The following PTCD2 variants were observed in gnomAD, a reference collection of about 807,000 sequenced individuals.
PTCD2 encodes pentatricopeptide repeat-containing protein 2, mitochondrial.
A neutral mutation model predicts 42.6 loss-of-function variants in PTCD2; 31 were observed. That is an observed-to-expected ratio of 0.73 (90% CI 0.55 to 0.98). PTCD2 has a LOEUF of 0.98. Among genes scored for constraint, PTCD2 ranks in the 50% least tolerant of loss-of-function variants. The pLI is 0.00. For synonymous variants in PTCD2, 183 were observed against 170.9 expected, an observed-to-expected ratio of 1.07 and a Z score of -0.55; for missense variants, 476 against 454.8, an observed-to-expected ratio of 1.05 and a Z score of -0.42.
intron 3 of PTCD2, among the ~76,000 whole-genome samples, chr5:72,330,359 C>T (rs528930270): frequency 2.6e-5 from 4 of 152,232 alleles, no homozygotes; most frequent in African/African-American, 4.8e-5. Context: ...TCTGACTCCT[C>T]GATGATTTTT....
Position 72,326,753 on chromosome 5 carries a change from C to T in PTCD2, c.350+12C>T. On this transcript the variant is annotated intron_variant, in intron 3 of 9. Transcript: ENST00000380639. ...AATGTCATTTACAGGTGAGGCATTT[C>T]CTTAGAATGTTGCCACCCTTATCCC... is the stretch of plus-strand genomic sequence containing the variant. 1 of 1,612,826 alleles carries T rather than the reference C, an allele frequency of 6.2e-7. No individual in the cohort carries two copies. Among genetic ancestry groups the T allele is most frequent in the Non-Finnish European group, 8.5e-7 (1 of 1,179,192 alleles).
intron 6 of PTCD2, among the ~76,000 whole-genome samples, chr5:72,336,490 C>T (rs544911849): frequency 1.2e-4 from 19 of 152,272 alleles, no homozygotes; most frequent in African/African-American, 4.3e-4. Flanking sequence ...CTTTAATAAA[C>T]GTATGTGACA....
Position 72,333,530 on chromosome 5 carries a change from G to A in PTCD2, c.469-1488G>A, listed in dbSNP as rs1162888764. Among the ~76,000 whole-genome samples the A allele has an allele frequency of 2.6e-5, 4 of 152,194 alleles. No individual in the cohort carries two copies. In the Middle Eastern group the frequency reaches 0.01, roughly 388 times the overall value. The stretch of plus-strand genomic sequence containing the variant: ...AACAGGGTCTGCATAGTAGGTGATC[G>A]GAAAAGAGTGAACTTGAGCAAGGCA... On this transcript the variant is annotated intron_variant, in intron 4 of 9. Coordinates refer to ENST00000380639, the MANE Select transcript of PTCD2 (RefSeq NM_024754.5).
intron 5 of PTCD2, among the ~76,000 whole-genome samples, chr5:72,335,389 C>CA (rs948729602): frequency 6.8e-6 from 1 of 146,000 alleles, no homozygotes; most frequent in African/African-American, 2.6e-5. Flanking sequence ...GCGGAGCTTG[C>CA]AGTGAGCCGA....
chr5:72,334,901 G>T, intron 4 of PTCD2, 117 bp from the exon 5 acceptor site: 4 of 670,634 alleles, frequency 6.0e-6, no homozygotes, highest in Non-Finnish European at 7.9e-6. Context: ...GAATTCAGAA[G>T]GCCAAATGAG....
At position 72,362,136 on chromosome 5, in the gene PTCD2, G is replaced by T. The variant is rs905975864; in HGVS notation, c.*3709G>T. On this transcript the variant is annotated 3_prime_UTR_variant, in exon 10 of 10. Transcript: ENST00000380639. Reference sequence around the variant, plus strand: ...ATTGGTCCCCCATGGACAGCTTTTCGTCTCTAATACCATACACTCAGTGCA... The same window carrying T: ...ATTGGTCCCCCATGGACAGCTTTTCTTCTCTAATACCATACACTCAGTGCA... The T allele has an allele frequency of 7.9e-5, 12 of 152,220 alleles. No individual in the cohort carries two copies. Among genetic ancestry groups the T allele is most frequent in the African/African-American group, 2.9e-4 (12 of 41,508 alleles). The allele number at this position is 152,220 out of a possible 1,614,324, so 9.4% of individuals were successfully genotyped here. A position where few individuals can be genotyped will look rare whatever the true frequency, so the allele number is the denominator to read the frequency against.
At position 72,362,928 on chromosome 5, in the gene PTCD2, G is replaced by A. The variant is rs2112255408; in HGVS notation, c.*4501G>A. 6.6e-6 allele frequency: 1 copy of A among 152,286 alleles called. No individual in the cohort carries two copies. The highest frequency in any genetic ancestry group is 2.1e-4 in the South Asian group (1 of 4,830). The allele number at this position is 152,286 out of a possible 1,614,324, so 9.4% of individuals were successfully genotyped here. ...AATAAAACAATCCTGGGCAATATTT[G>A]TTGATAGTTTTGTTGAGGATGATTC... On this transcript the variant is annotated 3_prime_UTR_variant, in exon 10 of 10. Coordinates refer to ENST00000380639, the MANE Select transcript of PTCD2 (RefSeq NM_024754.5).
In PTCD2 at chr5:72,331,195, G is replaced by C. The variant is rs41271121; in HGVS notation, c.351-63G>C. On this transcript the variant is annotated intron_variant, in intron 3 of 9. Transcript: ENST00000380639. ...AGTACCTGGCACAGTACCTGCCATA[G>C]TCTGTGTCTGTCCTTTTTCCTGTGT... 4.8e-3 allele frequency: 4,964 copies of C among 1,041,652 alleles called. 29 individuals are homozygous for C. The highest frequency in any genetic ancestry group is 6.2e-3 in the Non-Finnish European group (4,082 of 658,948). The allele number at this position is 1,041,652 out of a possible 1,614,324, so 64.5% of individuals were successfully genotyped here.
rs1331453162 is a variant in PTCD2 at position 72,368,244 on chromosome 5, A to G, written c.*9817A>G. ...AGCACATTGCTAAGCCCAAGTAGCA[A>G]ATTTCCTGACCCCATTTTAAAGGTT... On this transcript the variant is annotated 3_prime_UTR_variant, in exon 10 of 10. Transcript: ENST00000380639. The G allele has an allele frequency of 1.3e-5, 2 of 152,170 alleles. No homozygotes were observed. Among genetic ancestry groups the G allele is most frequent in the Admixed American group, 6.5e-5 (1 of 15,270 alleles). 9.4% of individuals were successfully genotyped at this position (152,170 alleles called of 1,614,324 possible). A position where few individuals can be genotyped will look rare whatever the true frequency, so the allele number is the denominator to read the frequency against.
rs78243271 is a variant in PTCD2, at chr5:72,320,743, T to A, written c.127+234T>A. On this transcript the variant is annotated intron_variant, in intron 1 of 9. Transcript: ENST00000380639. ...GGTATTGACCTTGGGGCTGTAGTGC[T>A]CCCTCAGATGGGGCGACGTTCGTCT... 5 of 545,008 alleles carry A rather than the reference T, an allele frequency of 9.2e-6. No homozygotes were observed. The East Asian group carries it at 9.3e-5, about 10-fold the overall frequency. 33.8% of individuals were successfully genotyped at this position (545,008 alleles called of 1,614,324 possible). A position where few individuals can be genotyped will look rare whatever the true frequency, so the allele number is the denominator to read the frequency against.
chr5:72,341,949 G>A (rs762754644), intron 7 of PTCD2, among the ~76,000 whole-genome samples: 10 of 152,004 alleles, frequency 6.6e-5, no homozygotes, highest in Admixed American at 4.6e-4. Flanking sequence ...GGAGGCTGAG[G>A]CAGGAGAATG....
At position 72,366,502 on chromosome 5, in the gene PTCD2, T is replaced by C. The variant is rs1236709602; in HGVS notation, c.*8075T>C. On this transcript the variant is annotated 3_prime_UTR_variant, in exon 10 of 10. Transcript: ENST00000380639. ...GTGTGCATGTATTCTCAATAATCCC[T>C]GGCCAACTTCCTGCTTTGCTGTCAG... is the stretch of plus-strand genomic sequence containing the variant. 1 of 152,252 alleles carries C rather than the reference T, an allele frequency of 6.6e-6. No individual in the cohort carries two copies. The highest frequency in any genetic ancestry group is 1.5e-5 in the Non-Finnish European group (1 of 68,052). 9.4% of individuals were successfully genotyped at this position (152,252 alleles called of 1,614,324 possible).
chr5:72,330,007 A>G (rs1363947637), intron 3 of PTCD2, among the ~76,000 whole-genome samples: 3 of 148,176 alleles, frequency 2.0e-5, no homozygotes, highest in Non-Finnish European at 4.4e-5. Flanking sequence ...ATCTCGGCTC[A>G]CTGCAAGCTC....
intron 8 of PTCD2, among the ~76,000 whole-genome samples, chr5:72,346,134 G>T (rs774923948): frequency 3.3e-5 from 5 of 152,134 alleles, no homozygotes; most frequent in Non-Finnish European, 5.9e-5. Flanking sequence ...ATGAGAGAAA[G>T]GTGAGCCCAA....
chr5:72,324,747 G>A (rs1175327441), intron 2 of PTCD2, among the ~76,000 whole-genome samples: 1 of 152,060 alleles, frequency 6.6e-6, no homozygotes, highest in Non-Finnish European at 1.5e-5. Context: ...TATAAATTTA[G>A]CTTGCCCTCC....
intron 2 of PTCD2, among the ~76,000 whole-genome samples, chr5:72,325,626 C>G (rs1042588539): frequency 8.5e-5 from 13 of 152,196 alleles, no homozygotes; most frequent in African/African-American, 3.1e-4. Context: ...TATCTCAAAC[C>G]TAGTAGGTCT....
At chr5:72,354,382 GAAAA>G (rs35170727) in intron 9 of PTCD2, among the ~76,000 whole-genome samples, 2 of 29,812 alleles carry the variant, frequency 6.7e-5, no homozygotes. Flanking sequence ...GACTCCATCT[GAAAA>G]AAAAAAAAAA....
In PTCD2 at chr5:72,364,960, A is replaced by G. The variant is rs955939431; in HGVS notation, c.*6533A>G. 1.3e-5 allele frequency: 2 copies of G among 152,312 alleles called. No homozygotes were observed. The highest frequency in any genetic ancestry group is 2.9e-5 in the Non-Finnish European group (2 of 68,140). The allele number at this position is 152,312 out of a possible 1,614,324, so 9.4% of individuals were successfully genotyped here. A position where few individuals can be genotyped will look rare whatever the true frequency, so the allele number is the denominator to read the frequency against. ...ACTTTCAAGTTGCTAATGAAAGAGG[A>G]TCAAAGCGCTGCTGAACTGCTCACC... On this transcript the variant is annotated 3_prime_UTR_variant, in exon 10 of 10. Coordinates refer to ENST00000380639, the MANE Select transcript of PTCD2 (RefSeq NM_024754.5).
intron 3 of PTCD2, among the ~76,000 whole-genome samples, chr5:72,329,114 A>T (rs547690253): frequency 9.8e-5 from 15 of 152,288 alleles, no homozygotes; most frequent in Non-Finnish European, 2.1e-4. Context: ...GTAAAATGAG[A>T]TAAATATCCT....
Sources: allele counts gnomAD v4.1 joint callset (sites outside exome capture counted in the v4.1 genomes callset), GRCh38; gene constraint gnomAD v4.1.1; transcripts MANE v1.5; gene names NCBI Gene and HGNC (gene_info 2026-07-23, HGNC 2026-07-21).